Variants in CUL5 observed in about 807,000 individuals in gnomAD.
CUL5 encodes the protein cullin-5.
A neutral mutation model predicts 108.8 loss-of-function variants in CUL5; 26 were observed. The ratio of observed to expected loss-of-function variants is 0.24; its 90% confidence interval spans 0.18 to 0.33. The LOEUF (loss-of-function observed/expected upper bound fraction) is 0.33. Ranked by LOEUF, CUL5 falls within the 10% of genes least tolerant of loss-of-function variation. CUL5 has a pLI of 1.00. For missense variants in CUL5, 524 were observed against 909.2 expected, an observed-to-expected ratio of 0.58 and a Z score of 5.45; for synonymous variants, 334 against 298.0, an observed-to-expected ratio of 1.12 and a Z score of -1.25.
At chr11:108,077,891 G>T (rs1863980353) in intron 10 of CUL5, among the ~76,000 whole-genome samples, 2 of 152,100 alleles carry the variant, frequency 1.3e-5, no homozygotes, top group Non-Finnish European at 2.9e-5. Context: ...GGAGGTTGCA[G>T]TGAGTGGAGA....
chr11:108,009,279 C>G lies in CUL5; in HGVS notation c.-70C>G. 5 of 1,579,656 alleles carry G rather than the reference C, an allele frequency of 3.2e-6. No individual in the cohort carries two copies. In the East Asian group the frequency reaches 9.0e-5, roughly 28 times the overall value. ...CCTGGGCCCTGGTGGGAGCTCCGGC[C>G]TCCGGTCAAGGCCTGGCCGGGAGCG... On this transcript the variant is annotated 5_prime_UTR_variant, in exon 1 of 19. Coordinates refer to ENST00000393094, the MANE Select transcript of CUL5 (RefSeq NM_003478.6).
At chr11:108,041,154 T>G (rs1565241796) in intron 2 of CUL5, among the ~76,000 whole-genome samples, 1 of 152,194 alleles carries the variant, frequency 6.6e-6, no homozygotes, top group Non-Finnish European at 1.5e-5. Flanking sequence ...CTGCTCAAGC[T>G]TCCTTTCTTG....
chr11:108,054,553 C>A, intron 5 of CUL5, 94 bp from the exon 6 acceptor site: 1 of 811,716 alleles, frequency 1.2e-6, no homozygotes, highest in Non-Finnish European at 1.9e-6. Context: ...TGTTACCTTG[C>A]ACATAATGAC....
intron 15 of CUL5, among the ~76,000 whole-genome samples, chr11:108,095,322 T>C (rs1276628515): frequency 6.6e-6 from 1 of 152,218 alleles, no homozygotes; most frequent in Non-Finnish European, 1.5e-5. Context: ...CCGCCAGTAC[T>C]CAGTCACTTG....
Position 108,054,771 on chromosome 11 carries a change from T to C in CUL5, c.678T>C (p.Gly226=), listed in dbSNP as rs1863330209. 6 of 1,609,022 alleles carry C rather than the reference T, an allele frequency of 3.7e-6. No individual in the cohort carries two copies. The highest frequency in any genetic ancestry group is 2.2e-5 in the East Asian group (1 of 44,712). Residue 226 remains glycine (G), a synonymous_variant, in exon 6 of 19, where the codon GGT becomes GGC. Transcript: ENST00000393094. ...CACCCTCGTATTTACAACAAAATGG[T>C]GTACAGAATTATATGAAATATGTAA... ...TQAPSYLQQN[G]VQNYMKYADA...
chr11:108,083,568 A>T (rs1864150702), intron 11 of CUL5, among the ~76,000 whole-genome samples: 1 of 152,048 alleles, frequency 6.6e-6, no homozygotes, highest in Non-Finnish European at 1.5e-5. Context: ...AGGTGGGAGG[A>T]TTGTTTAAGG....
intron 7 of CUL5, among the ~76,000 whole-genome samples, chr11:108,064,371 C>G (rs1425805353): frequency 6.6e-6 from 1 of 152,130 alleles, no homozygotes; most frequent in Non-Finnish European, 1.5e-5. Flanking sequence ...ACGGATAAAT[C>G]CCACTTGGTC....
chr11:108,018,805 A>G (rs1341076023), intron 1 of CUL5, among the ~76,000 whole-genome samples: 4 of 152,208 alleles, frequency 2.6e-5, no homozygotes, highest in Non-Finnish European at 5.9e-5. Flanking sequence ...AGATGCAAGT[A>G]GTGTACTTGC....
chr11:108,096,992 A>G (rs960413147), intron 16 of CUL5, among the ~76,000 whole-genome samples: 3 of 152,080 alleles, frequency 2.0e-5, no homozygotes, highest in African/African-American at 7.2e-5. Flanking sequence ...ACTACATTTT[A>G]TTACTACTCC....
chr11:108,045,206 T>G (rs1227089090), intron 2 of CUL5, among the ~76,000 whole-genome samples: 1 of 152,228 alleles, frequency 6.6e-6, no homozygotes, highest in African/African-American at 2.4e-5. Flanking sequence ...AGCTTTTGTT[T>G]TTGTTTTTTT....
In CUL5 at chr11:108,009,283, G is replaced by T; in HGVS notation, c.-66G>T. ...GGCCCTGGTGGGAGCTCCGGCCTCC[G>T]GTCAAGGCCTGGCCGGGAGCGCCAC... On this transcript the variant is annotated 5_prime_UTR_variant, in exon 1 of 19. Transcript: ENST00000393094. 1 of 1,592,588 alleles carries T rather than the reference G, an allele frequency of 6.3e-7. No individual in the cohort carries two copies.
rs143881541 is a variant in CUL5, at chr11:108,037,116, GA to G, written c.134+3215del. Among the ~76,000 whole-genome samples, 145 of 146,148 alleles carry G rather than the reference GA, an allele frequency of 9.9e-4. 2 individuals are homozygous for G. In the East Asian group the frequency reaches 0.013, roughly 14 times the overall value. ...TGGGCCTCTTCCCACCTGGAGGCAA[GA>G]AAAAAAAAACAAAAACAGAGACATC... is the stretch of plus-strand genomic sequence containing the variant. On this transcript the variant is annotated intron_variant, in intron 2 of 18. Transcript: ENST00000393094.
At chr11:108,049,836 T>TA in intron 3 of CUL5, 54 bp from the exon 4 acceptor site, 1 of 1,442,922 alleles carries the variant, frequency 6.9e-7, no homozygotes, top group Non-Finnish European at 9.5e-7. Context: ...AATATGTTCT[T>TA]AATTTTTCAA....
intron 18 of CUL5, among the ~76,000 whole-genome samples, chr11:108,101,627 C>T (rs890312153): frequency 4.6e-5 from 7 of 152,124 alleles, no homozygotes; most frequent in Non-Finnish European, 1.0e-4. Context: ...TCCATTAGCT[C>T]GAAACTCTTG....
At position 108,103,145 on chromosome 11, in the gene CUL5, A is replaced by G. The variant is rs1471863791; in HGVS notation, c.2149-1045A>G. ...GAGAGAGCTGGTACTGGAAAAGGTA[A>G]AAGAGAAAAGAATATTTAATGATTT... is the stretch of plus-strand genomic sequence containing the variant. On this transcript the variant is annotated intron_variant, in intron 18 of 18. Transcript: ENST00000393094. Among the ~76,000 whole-genome samples, 9 of 152,350 alleles carry G rather than the reference A, an allele frequency of 5.9e-5. No individual in the cohort carries two copies. The East Asian group carries it at 1.7e-3, about 29-fold the overall frequency.
Position 108,073,291 on chromosome 11 carries a change from C to T in CUL5, c.1006-99C>T, listed in dbSNP as rs996709312. On this transcript the variant is annotated intron_variant, in intron 9 of 18. Coordinates refer to ENST00000393094, the MANE Select transcript of CUL5 (RefSeq NM_003478.6). ...TTTTATTTTTAAGAAAAAATATCCC[C>T]AGTTTTAAATGAGTTTTATTAAAAT... is the stretch of plus-strand genomic sequence containing the variant. 8.3e-6 allele frequency: 5 copies of T among 600,972 alleles called. No homozygotes were observed. The Admixed American group carries it at 1.7e-4, about 21-fold the overall frequency. The allele number at this position is 600,972 out of a possible 1,614,324, so 37.2% of individuals were successfully genotyped here. A position where few individuals can be genotyped will look rare whatever the true frequency, so the allele number is the denominator to read the frequency against.
chr11:108,107,132 A>C lies in CUL5; in HGVS notation c.*2748A>C, dbSNP rs996286515. The C allele has an allele frequency of 2.0e-5, 3 of 151,938 alleles. No homozygotes were observed. The allele number at this position is 151,938 out of a possible 1,614,324, so 9.4% of individuals were successfully genotyped here. A position where few individuals can be genotyped will look rare whatever the true frequency, so the allele number is the denominator to read the frequency against. On this transcript the variant is annotated 3_prime_UTR_variant, in exon 19 of 19. Coordinates refer to ENST00000393094, the MANE Select transcript of CUL5 (RefSeq NM_003478.6). ...AATTCTGAAGTCTTCCAATTTTTAC[A>C]TTTATTGGAGGGGTCCCTGAGTTCT...
chr11:108,045,779 C>G (rs1481786039), intron 2 of CUL5, among the ~76,000 whole-genome samples: 1 of 152,010 alleles, frequency 6.6e-6, no homozygotes, highest in African/African-American at 2.4e-5. Flanking sequence ...AGGATCGCCT[C>G]AACCCAGGAG....
At chr11:108,020,044 C>T (rs961223081) in intron 1 of CUL5, among the ~76,000 whole-genome samples, 6 of 152,156 alleles carry the variant, frequency 3.9e-5, no homozygotes, top group African/African-American at 1.2e-4. Context: ...CCCCCACCCC[C>T]ACTGGCATTC....
Sources: allele counts gnomAD v4.1 joint callset (sites outside exome capture counted in the v4.1 genomes callset), GRCh38; gene constraint gnomAD v4.1.1; transcripts MANE v1.5; gene names NCBI Gene and HGNC (gene_info 2026-07-23, HGNC 2026-07-21).